LINGO2: variants seen among roughly 807,000 people sequenced by gnomAD.
The protein encoded by LINGO2 is leucine-rich repeat and immunoglobulin-like domain-containing nogo receptor-interacting protein 2.
A neutral mutation model predicts 30.6 loss-of-function variants in LINGO2; 14 were observed. The ratio of observed to expected loss-of-function variants is 0.46; its 90% CI spans 0.30 to 0.72. LINGO2 has a LOEUF of 0.72. Ranked by LOEUF, LINGO2 falls within the 30% of genes least tolerant of loss-of-function variation. LINGO2 has a pLI of 0.07. For synonymous variants in LINGO2, 317 were observed against 288.5 expected (o/e 1.10, Z -1.00); for missense variants, 729 against 751.7 (o/e 0.97, Z 0.35).
the LINGO2 span, among the ~76,000 whole-genome samples, chr9:28,707,423 C>A: frequency 6.6e-6 from 1 of 152,116 alleles, no homozygotes; most frequent in African/African-American, 2.4e-5. Flanking sequence ...TCCATCCATC[C>A]TCCTGAAATG....
Position 27,949,644 on chromosome 9 carries a change from G to C in LINGO2, c.1028C>G (p.Ser343Cys), listed in dbSNP as rs1823533263. 3 of 1,614,076 alleles carry C rather than the reference G, an allele frequency of 1.9e-6. No homozygotes were observed. The South Asian group carries it at 3.3e-5, about 18-fold the overall frequency. ...GCTCAAGACCTCCAGAGCCCTAGGG[G>C]AGGAGAAGACATTCTCTTCCAAAGT... Residue 343 changes from serine to cysteine, a missense_variant, in exon 6 of 6, where the codon TCC becomes TGC. Physicochemically the swap from Ser to Cys is moderately radical, Grantham distance 112 (BLOSUM62 -1). Transcript: ENST00000379992.
At chr9:28,483,057 T>C (rs567401745) in intron 1 of LINGO2, among the ~76,000 whole-genome samples, 19 of 152,216 alleles carry the variant, frequency 1.2e-4, no homozygotes, top group African/African-American at 4.3e-4. Flanking sequence ...TAGTCTCAAA[T>C]ACAGGATTTG....
intron 5 of LINGO2, among the ~76,000 whole-genome samples, chr9:28,000,111 A>G (rs1037094595): frequency 2.0e-5 from 3 of 152,242 alleles, no homozygotes; most frequent in African/African-American, 7.2e-5. Flanking sequence ...TGAAAAGACT[A>G]GACACGAGTG....
chr9:28,612,169 C>T (rs1825947808), intron 1 of LINGO2, among the ~76,000 whole-genome samples: 1 of 152,066 alleles, frequency 6.6e-6, no homozygotes, highest in African/African-American at 2.4e-5. Flanking sequence ...TTGAGCCATC[C>T]TTCTGCCTGT....
At chr9:27,964,707 G>A (rs937064612) in intron 5 of LINGO2, among the ~76,000 whole-genome samples, 10 of 151,968 alleles carry the variant, frequency 6.6e-5, no homozygotes, top group South Asian at 2.1e-4. Flanking sequence ...CTGGGACTGG[G>A]GAATTTCAAA....
At chr9:28,200,088 C>A (rs1231280677) in intron 4 of LINGO2, among the ~76,000 whole-genome samples, 1 of 150,968 alleles carries the variant, frequency 6.6e-6, no homozygotes, top group Non-Finnish European at 1.5e-5. Flanking sequence ...ACACTTTCTT[C>A]ACAACAGGGA....
rs150305174 is a variant in LINGO2, at chr9:28,009,792, A to G, written c.-36+2563T>C. Among the ~76,000 whole-genome samples, 222 of 152,346 alleles carry G rather than the reference A, an allele frequency of 1.5e-3. 1 individual carries two copies. The highest frequency in any genetic ancestry group is 5.3e-3 in the African/African-American group (220 of 41,578). On this transcript the variant is annotated intron_variant, in intron 5 of 5. Coordinates refer to ENST00000379992, the Ensembl canonical transcript of LINGO2. ...ATGTAAAATGGTGCAGCCTGTTTGA[A>G]CAACAGTTTGGCAGTTTCTCAAAAA...
At chr9:28,506,353 A>C (rs1157441035) in intron 1 of LINGO2, among the ~76,000 whole-genome samples, 1 of 147,886 alleles carries the variant, frequency 6.8e-6, no homozygotes, top group Non-Finnish European at 1.5e-5. Context: ...GTGACATCCT[A>C]AGATTGCAAA....
the LINGO2 span, among the ~76,000 whole-genome samples, chr9:28,835,039 G>A: frequency 6.6e-6 from 1 of 152,154 alleles, no homozygotes; most frequent in Non-Finnish European, 1.5e-5. Flanking sequence ...TGCAGTAAAG[G>A]TTAAGAAAGC....
intron 4 of LINGO2, among the ~76,000 whole-genome samples, chr9:28,226,642 GGAAAGAAAGAAAGAAA>G (rs397959896): frequency 3.9e-4 from 21 of 53,244 alleles, no homozygotes; most frequent in Admixed American, 1.3e-3. Flanking sequence ...AAGGAAAGAA[GGAAAGAAAGAAAGAAA>G]GAAAGAAAGA....
At chr9:28,205,230 G>T (rs777196316) in intron 4 of LINGO2, among the ~76,000 whole-genome samples, 2 of 152,178 alleles carry the variant, frequency 1.3e-5, no homozygotes, top group Non-Finnish European at 2.9e-5. Flanking sequence ...TAACCTGATG[G>T]TCACATTTGG....
chr9:29,157,739 C>T, the LINGO2 span, among the ~76,000 whole-genome samples: 2 of 152,062 alleles, frequency 1.3e-5, no homozygotes, highest in Non-Finnish European at 2.9e-5. Context: ...ACAATAATAT[C>T]TCGGCTTGTA....
chr9:28,925,914 G>A, the LINGO2 span, among the ~76,000 whole-genome samples: 4 of 152,206 alleles, frequency 2.6e-5, no homozygotes, highest in South Asian at 2.1e-4. Context: ...GCTAATGGCT[G>A]TTTGAAGTAG....
At chr9:28,358,382 G>A (rs1221996485) in intron 3 of LINGO2, among the ~76,000 whole-genome samples, 3 of 152,026 alleles carry the variant, frequency 2.0e-5, no homozygotes, top group South Asian at 2.1e-4. Flanking sequence ...CATATATTAC[G>A]GTGCCTAGCT....
chr9:28,693,993 C>A, the LINGO2 span, among the ~76,000 whole-genome samples: 1 of 151,918 alleles, frequency 6.6e-6, no homozygotes, highest in East Asian at 1.9e-4. Flanking sequence ...ATCCATGTCC[C>A]TACTGATATT....
chr9:28,988,490 C>A, the LINGO2 span, among the ~76,000 whole-genome samples: 10 of 152,076 alleles, frequency 6.6e-5, no homozygotes, highest in Admixed American at 2.6e-4. Flanking sequence ...CATTTGGTCA[C>A]TCTATGTCTT....
At chr9:27,983,282 T>C (rs1025490110) in intron 5 of LINGO2, among the ~76,000 whole-genome samples, 2 of 151,848 alleles carry the variant, frequency 1.3e-5, no homozygotes, top group Non-Finnish European at 2.9e-5. Flanking sequence ...ATCAAGACAA[T>C]GAGACTGGTG....
chr9:29,138,326 C>CT, the LINGO2 span, among the ~76,000 whole-genome samples: 36,958 of 151,734 alleles, frequency 0.24, 4,659 homozygotes, highest in East Asian at 0.44. Flanking sequence ...CCCAGACCAC[C>CT]GGCCAGAAAC....
the LINGO2 span, among the ~76,000 whole-genome samples, chr9:28,736,410 G>A: frequency 1.3e-5 from 2 of 152,132 alleles, no homozygotes; most frequent in African/African-American, 4.8e-5. Flanking sequence ...AAGTAGCCAC[G>A]CAGTCTAAAC....
Sources: allele counts gnomAD v4.1 joint callset (sites outside exome capture counted in the v4.1 genomes callset), GRCh38; gene constraint gnomAD v4.1.1; transcripts MANE v1.5; gene names NCBI Gene and HGNC (gene_info 2026-07-23, HGNC 2026-07-21).